The following STX18 variants were observed in gnomAD, a reference collection of about 807,000 sequenced individuals.
STX18 encodes the protein syntaxin-18.
STX18 carries 40 observed loss-of-function variants against 50.1 expected under a neutral mutation model. The ratio of observed to expected loss-of-function variants is 0.80; its 90% CI spans 0.62 to 1.04. The LOEUF is 1.04. Among genes scored for constraint, STX18 ranks in the 50% least tolerant of loss-of-function variants. The pLI is 0.00. For missense variants in STX18, 410 were observed against 415.8 expected (o/e 0.99, Z 0.12); for synonymous variants, 158 against 151.8 (o/e 1.04, Z -0.30).
In STX18 at chr4:4,443,008, A is replaced by G. The variant is rs578089346; in HGVS notation, c.498-4499T>C. Among the ~76,000 whole-genome samples, 3 of 152,286 alleles carry G rather than the reference A, an allele frequency of 2.0e-5. No homozygotes were observed. In the South Asian group the frequency reaches 6.2e-4, roughly 32 times the overall value. On this transcript the variant is annotated intron_variant, in intron 5 of 10. Coordinates refer to ENST00000306200, the MANE Select transcript of STX18 (RefSeq NM_016930.4). Reference sequence around the variant, plus strand: ...TTCTTGCCTACTGGGACTGGTGAAAATACCCAAATGTGAAGACATACTGGG... The same window carrying G: ...TTCTTGCCTACTGGGACTGGTGAAAGTACCCAAATGTGAAGACATACTGGG...
At chr4:4,508,576 G>T (rs528581513) in intron 1 of STX18, among the ~76,000 whole-genome samples, 2 of 152,212 alleles carry the variant, frequency 1.3e-5, no homozygotes, top group East Asian at 3.9e-4. Context: ...TAAGTTCTGG[G>T]GTACATGCGC....
At chr4:4,500,240 T>A (rs554199157) in intron 1 of STX18, among the ~76,000 whole-genome samples, 3 of 152,338 alleles carry the variant, frequency 2.0e-5, no homozygotes, top group African/African-American at 7.2e-5. Flanking sequence ...ACTGTAATAA[T>A]ATATGCTTTT....
At chr4:4,423,862 A>G in intron 8 of STX18, 1 of 483,050 alleles carries the variant, frequency 2.1e-6, no homozygotes, top group Non-Finnish European at 3.7e-6. Flanking sequence ...GGGTGTGTGC[A>G]GTGCCCTTTG....
chr4:4,472,466 C>T (rs1320946787), intron 1 of STX18, among the ~76,000 whole-genome samples: 2 of 152,210 alleles, frequency 1.3e-5, no homozygotes, highest in Non-Finnish European at 1.5e-5. Context: ...CGTCTTACTC[C>T]AGCTTCCGAC....
chr4:4,423,836 C>T, intron 8 of STX18: 2 of 532,706 alleles, frequency 3.8e-6, no homozygotes, highest in Non-Finnish European at 6.7e-6. Context: ...CCAACTGACC[C>T]TCAGTCCCAA....
intron 5 of STX18, 62 bp from the exon 6 acceptor site, chr4:4,438,571 CAGA>C (rs948697393): frequency 3.7e-6 from 5 of 1,343,144 alleles, no homozygotes; most frequent in South Asian, 1.2e-5. Flanking sequence ...TTTTTGAAAA[CAGA>C]AGGAGTCACA....
chr4:4,518,755 T>G (rs1469274001), intron 1 of STX18, among the ~76,000 whole-genome samples: 1 of 152,204 alleles, frequency 6.6e-6, no homozygotes, highest in Non-Finnish European at 1.5e-5. Flanking sequence ...TGATATTATC[T>G]GCATCAACAA....
At position 4,420,753 on chromosome 4, in the gene STX18, G is replaced by A. The variant is rs556417788; in HGVS notation, c.912+111C>T. 2.1e-5 allele frequency: 21 copies of A among 983,998 alleles called. No homozygotes were observed. Among genetic ancestry groups the A allele is most frequent in the Admixed American group, 7.4e-5 (4 of 53,986 alleles). 61.0% of individuals were successfully genotyped at this position (983,998 alleles called of 1,614,324 possible). A position where few individuals can be genotyped will look rare whatever the true frequency, so the allele number is the denominator to read the frequency against. ...GTCACACAATTTTGTGATCAGCCCCGTGAGCTCTGCCCAGCAAGGCTCCTG... is the reference window on the plus strand; with the variant it reads ...GTCACACAATTTTGTGATCAGCCCCATGAGCTCTGCCCAGCAAGGCTCCTG... On this transcript the variant is annotated intron_variant, in intron 10 of 10. Transcript: ENST00000306200. This position sits in a 1 kb window ranked among gnomAD's most constrained non-coding sequence, Gnocchi z 4.3.
intron 1 of STX18, among the ~76,000 whole-genome samples, chr4:4,529,549 T>C (rs1235519307): frequency 1.3e-5 from 2 of 151,958 alleles, no homozygotes; most frequent in Non-Finnish European, 2.9e-5. Flanking sequence ...AGAGGCGTGG[T>C]CTGTGGAATG....
At chr4:4,438,845 C>T (rs1725932975) in intron 5 of STX18, among the ~76,000 whole-genome samples, 1 of 151,820 alleles carries the variant, frequency 6.6e-6, no homozygotes, top group South Asian at 2.1e-4. Flanking sequence ...TGGATTGATG[C>T]TTACCCAGTA....
At chr4:4,440,870 T>C (rs1288124078) in intron 5 of STX18, among the ~76,000 whole-genome samples, 1 of 152,206 alleles carries the variant, frequency 6.6e-6, no homozygotes, top group Non-Finnish European at 1.5e-5. Context: ...TCACTGCTTC[T>C]GGGGTCAGGA....
At chr4:4,423,419 G>A in intron 9 of STX18, 99 bp downstream of exon 9, 1 of 1,142,684 alleles carries the variant, frequency 8.8e-7, no homozygotes, top group Non-Finnish European at 1.3e-6. Context: ...TCTGCTCCTG[G>A]CTGTGTAGAG....
At chr4:4,499,039 A>G (rs962993641) in intron 1 of STX18, among the ~76,000 whole-genome samples, 1 of 152,244 alleles carries the variant, frequency 6.6e-6, no homozygotes, top group Non-Finnish European at 1.5e-5. Flanking sequence ...TGAAAGTGCC[A>G]CTTCTTAGGA....
intron 1 of STX18, among the ~76,000 whole-genome samples, chr4:4,533,501 T>C (rs1731195012): frequency 6.6e-6 from 1 of 152,208 alleles, no homozygotes; most frequent in Non-Finnish European, 1.5e-5. Flanking sequence ...ACCGAGTTCC[T>C]GACCTATAGC....
At chr4:4,426,363 G>T (rs1273961427) in intron 7 of STX18, 2 of 152,226 alleles carry the variant, frequency 1.3e-5, no homozygotes, top group African/African-American at 2.4e-5. Context: ...GTAAGCAGGA[G>T]TGGGAGGGAT....
At chr4:4,499,972 C>T (rs890055546) in intron 1 of STX18, among the ~76,000 whole-genome samples, 1 of 151,944 alleles carries the variant, frequency 6.6e-6, no homozygotes, top group Non-Finnish European at 1.5e-5. Context: ...GGGATCCTCA[C>T]CATGGGGGCA....
chr4:4,428,920 G>A (rs1354157813), intron 7 of STX18, among the ~76,000 whole-genome samples: 1 of 152,178 alleles, frequency 6.6e-6, no homozygotes. Context: ...TGGGTACGGT[G>A]GGCAGGTTGG....
In STX18 at chr4:4,529,645, C is replaced by T. The variant is rs529732184; in HGVS notation, c.168+12152G>A. On this transcript the variant is annotated intron_variant, in intron 1 of 10. Coordinates refer to ENST00000306200, the MANE Select transcript of STX18 (RefSeq NM_016930.4). ...AAGAGCTGGGGAGGCAGCAGGCAAC[C>T]GGAGAAGCACAGCACACACGTGCCA... Among the ~76,000 whole-genome samples, 14 of 152,252 alleles carry T rather than the reference C, an allele frequency of 9.2e-5. No individual in the cohort carries two copies. The South Asian group carries it at 1.5e-3, about 16-fold the overall frequency.
intron 1 of STX18, among the ~76,000 whole-genome samples, chr4:4,522,400 G>C (rs546249204): frequency 5.3e-5 from 8 of 152,260 alleles, no homozygotes; most frequent in Admixed American, 2.6e-4. Context: ...CTTCGTGCCT[G>C]CTTATGTTAT....
Sources: gnomAD v4.1 joint callset for allele counts (sites outside exome capture counted in the v4.1 genomes callset) on GRCh38, gnomAD v4.1.1 for gene constraint, Gnocchi (gnomAD v3.1) non-coding constraint, MANE v1.5 for transcripts, NCBI Gene and HGNC (gene_info 2026-07-23, HGNC 2026-07-21) for gene names.